ABHD4: variants seen among roughly 807,000 people sequenced by gnomAD.
ABHD4 encodes the protein (Lyso)-N-acylphosphatidylethanolamine lipase.
Under a neutral mutation model 42.3 loss-of-function variants are expected in ABHD4, and 35 were observed. The ratio of observed to expected loss-of-function variants is 0.83; its 90% CI spans 0.63 to 1.10. The LOEUF (loss-of-function observed/expected upper bound fraction) is 1.10, where lower values mean the gene tolerates loss of function less well. Ranked by LOEUF, ABHD4 falls within the 50% of genes least tolerant of loss-of-function variation. The pLI, the probability that ABHD4 is intolerant of heterozygous loss-of-function variation, is 0.00. For synonymous variants in ABHD4, 169 were observed against 170.6 expected (o/e 0.99, Z 0.07); for missense variants, 389 against 454.8 (o/e 0.86, Z 1.32).
At chr14:22,602,658 G>C (rs1053347558) in intron 2 of ABHD4, among the ~76,000 whole-genome samples, 2 of 152,212 alleles carry the variant, frequency 1.3e-5, no homozygotes, top group Admixed American at 1.3e-4. Context: ...TGTGGGGTTG[G>C]TGGTGTCACT....
chr14:22,604,498 C>T (rs977611870), intron 4 of ABHD4, among the ~76,000 whole-genome samples: 13 of 152,194 alleles, frequency 8.5e-5, no homozygotes, highest in African/African-American at 2.4e-4. Context: ...CCGCCTGCCT[C>T]GGCCTCCCGA....
chr14:22,606,499 G>C lies in ABHD4; in HGVS notation c.718G>C (p.Glu240Gln), dbSNP rs1031508265. The C allele has an allele frequency of 4.3e-6, 7 of 1,613,442 alleles. No individual in the cohort carries two copies. The highest frequency in any genetic ancestry group is 5.9e-6 in the Non-Finnish European group (7 of 1,179,754). Residue 240 changes from glutamate to glutamine, a missense_variant, in exon 5 of 7, where the codon GAG becomes CAG. Transcript: ENST00000428304. Reference sequence around the variant, plus strand: ...CTTCTTTGAAGATGATACCATATCAGAGTATATTTACCACTGCAACGCACA... The same window carrying C: ...CTTCTTTGAAGATGATACCATATCACAGTATATTTACCACTGCAACGCACA... Reference protein sequence around the residue: ...ADFFEDDTISEYIYHCNAQNP... With the variant: ...ADFFEDDTISQYIYHCNAQNP...
At chr14:22,609,297 C>G (rs2037384454) in intron 5 of ABHD4, among the ~76,000 whole-genome samples, 1 of 151,938 alleles carries the variant, frequency 6.6e-6, no homozygotes, top group Admixed American at 6.6e-5. Flanking sequence ...CGTGCCCAGC[C>G]CAAGAAATTT....
chr14:22,611,048 G>T lies in ABHD4; in HGVS notation c.*100G>T. 1 of 1,023,182 alleles carries T rather than the reference G, an allele frequency of 9.8e-7. No homozygotes were observed. Among genetic ancestry groups the T allele is most frequent in the Non-Finnish European group, 1.5e-6 (1 of 669,036 alleles). The allele number at this position is 1,023,182 out of a possible 1,614,324, so 63.4% of individuals were successfully genotyped here. On this transcript the variant is annotated 3_prime_UTR_variant, in exon 7 of 7. Coordinates refer to ENST00000428304, the MANE Select transcript of ABHD4 (RefSeq NM_022060.3). Reference sequence around the variant, plus strand: ...GTCCTTTCCTCACCAACTAACATGTGCCAGCCAGGCAGAGTCTTGTGCTGT... The same window carrying T: ...GTCCTTTCCTCACCAACTAACATGTTCCAGCCAGGCAGAGTCTTGTGCTGT...
At chr14:22,607,731 C>T (rs957003368) in intron 5 of ABHD4, among the ~76,000 whole-genome samples, 2 of 152,214 alleles carry the variant, frequency 1.3e-5, no homozygotes, top group African/African-American at 4.8e-5. Context: ...CTAGCCCTTT[C>T]CCCAGAACTT....
At chr14:22,607,865 C>T (rs545034667) in intron 5 of ABHD4, among the ~76,000 whole-genome samples, 5 of 152,198 alleles carry the variant, frequency 3.3e-5, no homozygotes, top group Non-Finnish European at 5.9e-5. Context: ...AGCTCCCTCA[C>T]CCCCAAACAC....
chr14:22,605,861 T>C (rs777648714), intron 4 of ABHD4: 1 of 1,284,248 alleles, frequency 7.8e-7, no homozygotes, highest in African/African-American at 1.5e-5. Flanking sequence ...CAGTCTGTTG[T>C]TGCATGTATG....
rs1371274012 is a variant in ABHD4, at chr14:22,611,908, AAG to A, written c.*965_*966del. ...TATAGAGCAAAGGTGGCTCCTGGTG[AAG>A]AGAGGGTGGAAAGGCCCTTCAGCCC... is the stretch of plus-strand genomic sequence containing the variant. On this transcript the variant is annotated 3_prime_UTR_variant, in exon 7 of 7. Transcript: ENST00000428304. 1 of 152,656 alleles carries A rather than the reference AAG, an allele frequency of 6.6e-6. No individual in the cohort carries two copies. The highest frequency in any genetic ancestry group is 1.9e-4 in the East Asian group (1 of 5,176). 9.5% of individuals were successfully genotyped at this position (152,656 alleles called of 1,614,324 possible). A position where few individuals can be genotyped will look rare whatever the true frequency, so the allele number is the denominator to read the frequency against.
intron 1 of ABHD4, 91 bp downstream of exon 1, chr14:22,598,420 C>A (rs1188409066): frequency 1.9e-6 from 3 of 1,550,016 alleles, no homozygotes; most frequent in East Asian, 4.9e-5. Context: ...GTTGTAGACA[C>A]CTTCCCGCTC....
At position 22,610,947 on chromosome 14, in the gene ABHD4, G is replaced by C. The variant is rs751286192; in HGVS notation, c.1028G>C (p.Ter343SerextTer4). ...GAGGAGATCTGCGACTCAGTTGATT[G>C]AGCTGCTCTCTGAAGAGGAAGAGGA... ...VVEEICDSVD[*>S] is the part of the protein sequence containing the mutation. Residue 343 changes from the stop codon to serine (S), a stop_lost, in exon 7 of 7, where the codon TGA becomes TCA. Coordinates refer to ENST00000428304, the MANE Select transcript of ABHD4 (RefSeq NM_022060.3). The C allele has an allele frequency of 4.3e-6, 7 of 1,613,746 alleles. No individual in the cohort carries two copies. The highest frequency in any genetic ancestry group is 1.7e-5 in the Admixed American group (1 of 60,002).
At chr14:22,601,326 C>T (rs1463123715) in intron 1 of ABHD4, among the ~76,000 whole-genome samples, 1 of 152,232 alleles carries the variant, frequency 6.6e-6, no homozygotes, top group African/African-American at 2.4e-5. Context: ...AAAGATGCCT[C>T]TCCCTTTAAT....
intron 1 of ABHD4, chr14:22,600,148 C>A (rs746256471): frequency 6.6e-6 from 3 of 455,812 alleles, no homozygotes; most frequent in South Asian, 3.1e-5. Flanking sequence ...GATGAGGAAG[C>A]TCTGACACAG....
chr14:22,605,738 C>T (rs1045687164), intron 4 of ABHD4: 3 of 1,087,276 alleles, frequency 2.8e-6, no homozygotes, highest in East Asian at 5.9e-5. Flanking sequence ...ATCCTCATGG[C>T]ACCCCCAACC....
intron 1 of ABHD4, among the ~76,000 whole-genome samples, 191 bp from the exon 2 acceptor site, chr14:22,601,476 T>C (rs898353517): frequency 6.6e-6 from 1 of 152,196 alleles, no homozygotes; most frequent in Non-Finnish European, 1.5e-5. Context: ...GGCATGTTGT[T>C]AATACCCATT....
At chr14:22,607,424 C>T (rs1182456035) in intron 5 of ABHD4, among the ~76,000 whole-genome samples, 2 of 152,164 alleles carry the variant, frequency 1.3e-5, no homozygotes, top group Non-Finnish European at 2.9e-5. Flanking sequence ...CTTTCTAGGG[C>T]TGTCCAAGTC....
chr14:22,604,516 G>A (rs2037326383), intron 4 of ABHD4, among the ~76,000 whole-genome samples: 1 of 152,166 alleles, frequency 6.6e-6, no homozygotes, highest in Non-Finnish European at 1.5e-5. Context: ...CGAAGTGCTG[G>A]GATTACAGGC....
At chr14:22,607,925 C>T (rs35153547) in intron 5 of ABHD4, among the ~76,000 whole-genome samples, 17,755 of 152,238 alleles carry the variant, frequency 0.12, 1,100 homozygotes, top group Non-Finnish European at 0.13. Flanking sequence ...GTAACCCTGA[C>T]AAGCTCATGG....
chr14:22,609,477 A>C, intron 5 of ABHD4: 6 of 393,550 alleles, frequency 1.5e-5, no homozygotes, highest in Non-Finnish European at 1.4e-5. Flanking sequence ...ATAATAACCC[A>C]TTTCATTCTC....
chr14:22,609,599 T>A, intron 5 of ABHD4, 125 bp from the exon 6 acceptor site: 1 of 1,072,328 alleles, frequency 9.3e-7, no homozygotes, highest in Non-Finnish European at 1.3e-6. Flanking sequence ...TACCAATATT[T>A]AATGAGCCCA....
Sources: allele counts gnomAD v4.1 joint callset (sites outside exome capture counted in the v4.1 genomes callset), GRCh38; gene constraint gnomAD v4.1.1; transcripts MANE v1.5; gene names NCBI Gene and HGNC (gene_info 2026-07-23, HGNC 2026-07-21).